VPS41: variants seen among roughly 807,000 people sequenced by gnomAD.
VPS41 encodes VPS41 subunit of HOPS complex, also known as vacuolar protein sorting-associated protein 41 homolog.
In VPS41, 85 loss-of-function variants were observed where a neutral mutation model predicts 130.9. The observed-to-expected ratio is 0.65, with a 90% confidence interval of 0.55 to 0.78. The LOEUF (loss-of-function observed/expected upper bound fraction) is 0.78, where lower values mean the gene tolerates loss of function less well. Ranked by LOEUF, VPS41 falls within the 30% of genes least tolerant of loss-of-function variation. VPS41 has a pLI of 0.00. For missense variants in VPS41, 874 were observed against 1,018.7 expected, an observed-to-expected ratio of 0.86 and a Z score of 1.93; for synonymous variants, 335 against 332.9, an observed-to-expected ratio of 1.01 and a Z score of -0.07.
intron 4 of VPS41, among the ~76,000 whole-genome samples, chr7:38,839,426 A>G (rs1274575811): frequency 6.6e-6 from 1 of 152,138 alleles, no homozygotes; most frequent in Non-Finnish European, 1.5e-5. Flanking sequence ...AGAACAGTAT[A>G]TTCTTTTTTT....
At chr7:38,909,072 A>G in intron 1 of VPS41, 82 bp downstream of exon 1, 2 of 1,453,280 alleles carry the variant, frequency 1.4e-6, no homozygotes, top group Non-Finnish European at 1.9e-6. Flanking sequence ...CCGCACCTCC[A>G]CCCACTCCAC....
chr7:38,868,892 C>G (rs541358337), intron 3 of VPS41, among the ~76,000 whole-genome samples: 1 of 152,192 alleles, frequency 6.6e-6, no homozygotes, highest in South Asian at 2.1e-4. Flanking sequence ...AAACCCGTTT[C>G]ATATAAATCT....
At chr7:38,772,956 C>T (rs555556516) in intron 12 of VPS41, among the ~76,000 whole-genome samples, 58 of 152,084 alleles carry the variant, frequency 3.8e-4, no homozygotes, top group Admixed American at 2.5e-3. Flanking sequence ...TAAAATTCTA[C>T]GTTTAATACA....
chr7:38,830,581 A>G (rs529855900), intron 4 of VPS41, among the ~76,000 whole-genome samples: 2 of 152,348 alleles, frequency 1.3e-5, no homozygotes, highest in East Asian at 3.9e-4. Context: ...GATAAAATAA[A>G]TGGAAATATG....
chr7:38,768,026 G>A (rs777527784), intron 14 of VPS41, among the ~76,000 whole-genome samples: 17 of 152,014 alleles, frequency 1.1e-4, no homozygotes, highest in Non-Finnish European at 2.4e-4. Flanking sequence ...GAAGTTATAA[G>A]AAAAATGAAA....
chr7:38,800,430 T>C (rs903787825), intron 7 of VPS41, among the ~76,000 whole-genome samples: 3 of 152,254 alleles, frequency 2.0e-5, no homozygotes, highest in African/African-American at 4.8e-5. Flanking sequence ...GCACTAAATA[T>C]ATGAATTTTT....
intron 4 of VPS41, among the ~76,000 whole-genome samples, chr7:38,860,693 C>G: frequency 7.4e-6 from 1 of 134,456 alleles, no homozygotes; most frequent in South Asian, 2.5e-4. Context: ...TATTAACAAT[C>G]TGTTTGTGTG....
At chr7:38,807,492 A>G (rs557988434) in intron 7 of VPS41, among the ~76,000 whole-genome samples, 1 of 152,294 alleles carries the variant, frequency 6.6e-6, no homozygotes, top group Non-Finnish European at 1.5e-5. Flanking sequence ...ATACAAATAC[A>G]CTCATTTTCC....
At chr7:38,900,333 C>T (rs979361797) in intron 1 of VPS41, among the ~76,000 whole-genome samples, 2 of 151,996 alleles carry the variant, frequency 1.3e-5, no homozygotes, top group Non-Finnish European at 1.5e-5. Flanking sequence ...CATGTTCTTA[C>T]TTATAAGTAG....
At chr7:38,796,934 G>A in intron 7 of VPS41, 70 bp from the exon 8 acceptor site, 1 of 1,579,148 alleles carries the variant, frequency 6.3e-7, no homozygotes, top group Admixed American at 1.7e-5. Context: ...TTACTTACTA[G>A]TTTTACCTAT....
At chr7:38,851,800 A>G (rs1406846286) in intron 4 of VPS41, among the ~76,000 whole-genome samples, 1 of 152,192 alleles carries the variant, frequency 6.6e-6, no homozygotes. Flanking sequence ...GTTCCTCCAC[A>G]TCCTAACCAA....
chr7:38,833,887 A>G (rs1348756414), intron 4 of VPS41, among the ~76,000 whole-genome samples: 2 of 152,206 alleles, frequency 1.3e-5, no homozygotes, highest in Admixed American at 6.5e-5. Context: ...GAGAAAGAAA[A>G]AGTACAAGTA....
At chr7:38,854,274 G>C (rs1785931979) in intron 4 of VPS41, among the ~76,000 whole-genome samples, 1 of 152,150 alleles carries the variant, frequency 6.6e-6, no homozygotes, top group African/African-American at 2.4e-5. Flanking sequence ...AAAGATACAT[G>C]CCCTGCTTGC....
chr7:38,896,482 A>C (rs1320534806), intron 2 of VPS41, among the ~76,000 whole-genome samples: 1 of 152,274 alleles, frequency 6.6e-6, no homozygotes, highest in Non-Finnish European at 1.5e-5. Flanking sequence ...CATATGGCCT[A>C]GGATGGCTTT....
chr7:38,752,225 G>C lies in VPS41; in HGVS notation c.1877C>G (p.Pro626Arg). ...GTCTCGGAGAAAGGGAAGTAAGTTT[G>C]GTCGATCATATTCAGCATAAAGACT... ...QISLYAEYDRPNLLPFLRDST... is the reference protein window; with the variant it reads ...QISLYAEYDRRNLLPFLRDST... The change falls in exon 22 of 29, where the codon CCA (proline) becomes CGA (arginine). Residue 626 changes from proline to arginine, a missense_variant. Transcript: ENST00000310301. The C allele has an allele frequency of 6.2e-7, 1 of 1,614,008 alleles. No homozygotes were observed. The highest frequency in any genetic ancestry group is 2.2e-5 in the East Asian group (1 of 44,884).
chr7:38,834,064 A>G (rs2116189692), intron 4 of VPS41, among the ~76,000 whole-genome samples: 1 of 152,050 alleles, frequency 6.6e-6, no homozygotes, highest in East Asian at 1.9e-4. Flanking sequence ...CTCAAGGGCT[A>G]CAAAAAGTTT....
intron 2 of VPS41, among the ~76,000 whole-genome samples, chr7:38,878,496 C>T (rs185821015): frequency 0.011 from 1,606 of 152,070 alleles, 15 homozygotes; most frequent in South Asian, 0.021. Context: ...CCAAAAACAA[C>T]AAAAAATATA....
chr7:38,855,356 G>C (rs979526314), intron 4 of VPS41, among the ~76,000 whole-genome samples: 1 of 151,992 alleles, frequency 6.6e-6, no homozygotes, highest in East Asian at 1.9e-4. Context: ...CATGAAAAAA[G>C]AGATGGGTGA....
At chr7:38,811,046 G>A (rs1432061263) in intron 7 of VPS41, among the ~76,000 whole-genome samples, 7 of 152,068 alleles carry the variant, frequency 4.6e-5, no homozygotes, top group East Asian at 1.9e-4. Flanking sequence ...AAAAATTTGC[G>A]AACACTTTCA....
Sources: allele counts gnomAD v4.1 joint callset (sites outside exome capture counted in the v4.1 genomes callset), GRCh38; gene constraint gnomAD v4.1.1; transcripts MANE v1.5; gene names NCBI Gene and HGNC (gene_info 2026-07-23, HGNC 2026-07-21).